The following INSYN1 variants were observed in gnomAD, a reference collection of about 807,000 sequenced individuals.
The protein encoded by INSYN1 is UPF0583 protein C15orf59.
A neutral mutation model predicts 17.1 loss-of-function variants in INSYN1; 7 were observed. The observed-to-expected ratio is 0.41, with a 90% CI of 0.23 to 0.77. The LOEUF is 0.77. INSYN1 is among the 30% of genes least tolerant of loss of function. The pLI is 0.32. For missense variants in INSYN1, 339 were observed against 400.6 expected, an observed-to-expected ratio of 0.85 and a Z score of 1.31; for synonymous variants, 174 against 166.3, an observed-to-expected ratio of 1.05 and a Z score of -0.36.
chr15:73,749,449 G>A (rs564026150), intron 2 of INSYN1, among the ~76,000 whole-genome samples: 23 of 152,322 alleles, frequency 1.5e-4, no homozygotes, highest in Admixed American at 1.0e-3. Context: ...AAGGCTGGGA[G>A]TTGTATCAGA....
Position 73,751,501 on chromosome 15 carries a change from C to A in INSYN1, c.-371G>T. 3.7e-6 allele frequency: 1 copy of A among 270,582 alleles called. No individual in the cohort carries two copies. Among genetic ancestry groups the A allele is most frequent in the South Asian group, 5.5e-5 (1 of 18,042 alleles). 16.8% of individuals were successfully genotyped at this position (270,582 alleles called of 1,614,324 possible). A position where few individuals can be genotyped will look rare whatever the true frequency, so the allele number is the denominator to read the frequency against. On this transcript the variant is annotated 5_prime_UTR_variant, in exon 2 of 3. Transcript: ENST00000569673. ...AGGCAGGGGGATGACTCTGCAGGGA[C>A]TAAGGGTAAGAGATGCCCTTGGGAT...
At chr15:73,748,009 C>T (rs935296894) in intron 2 of INSYN1, among the ~76,000 whole-genome samples, 1 of 152,078 alleles carries the variant, frequency 6.6e-6, no homozygotes, top group African/African-American at 2.4e-5. Flanking sequence ...TTTGCGAGGG[C>T]GAGGGAGGTG....
At position 73,740,310 on chromosome 15, in the gene INSYN1, C is replaced by A. The variant is rs1395520856; in HGVS notation, c.489G>T (p.Glu163Asp). ...TCACCGTGGGGCCAGCACCAAAGGC[C>A]TCCTCACTGGAGGAGTCTGGGGTCT... The part of the protein sequence containing the change: ...RVETPDSSSE[E>D]AFGAGPTVKS... Residue 163 changes from glutamate to aspartate, a missense_variant, in exon 3 of 3, where the codon GAG (glutamate) becomes GAT (aspartate). By Grantham distance (45) the Glu-to-Asp change is conservative (BLOSUM62 2). Transcript: ENST00000569673. 6.2e-7 allele frequency: 1 copy of A among 1,612,696 alleles called. No individual in the cohort carries two copies. The highest frequency in any genetic ancestry group is 1.1e-5 in the South Asian group (1 of 90,914).
At chr15:73,740,749 G>A (rs747602552) in intron 2 of INSYN1, 107 bp from the exon 3 acceptor site, 111 of 919,250 alleles carry the variant, frequency 1.2e-4, no homozygotes, top group Non-Finnish European at 1.6e-4. Flanking sequence ...GCTGATGAGC[G>A]TACTGGACAG....
Position 73,737,058 on chromosome 15 carries a change from T to G in INSYN1, c.*2859A>C, listed in dbSNP as rs1015670445. 10 of 152,342 alleles carry G rather than the reference T, an allele frequency of 6.6e-5. No individual in the cohort carries two copies. The highest frequency in any genetic ancestry group is 2.4e-4 in the African/African-American group (10 of 41,424). 9.4% of individuals were successfully genotyped at this position (152,342 alleles called of 1,614,324 possible). A position where few individuals can be genotyped will look rare whatever the true frequency, so the allele number is the denominator to read the frequency against. On this transcript the variant is annotated 3_prime_UTR_variant, in exon 3 of 3. Transcript: ENST00000569673. ...GGATATACTCCCACCACTGCCCTAT[T>G]TGGGGGCAAATGGCCAGGCAGGGGA...
chr15:73,741,762 C>T (rs1901696929), intron 2 of INSYN1, among the ~76,000 whole-genome samples: 1 of 152,210 alleles, frequency 6.6e-6, no homozygotes, highest in Non-Finnish European at 1.5e-5. Context: ...TCTCTGGCGC[C>T]CTTCAACCTG....
At chr15:73,745,453 G>A (rs1259621654) in intron 2 of INSYN1, among the ~76,000 whole-genome samples, 1 of 152,130 alleles carries the variant, frequency 6.6e-6, no homozygotes, top group Non-Finnish European at 1.5e-5. Context: ...CCCTATGAAA[G>A]GCTCTCAAAG....
chr15:73,740,708 T>C (rs1199313054), intron 2 of INSYN1, 66 bp from the exon 3 acceptor site: 17 of 1,282,234 alleles, frequency 1.3e-5, no homozygotes, highest in Non-Finnish European at 1.6e-5. Context: ...CAGGTGTGAG[T>C]GTGTCTCCAC....
rs1902014914 is a variant in INSYN1 at position 73,752,444 on chromosome 15, G to A, written c.-902C>T. ...GAGGAGACGCCGGGCAGGTCCCAGC[G>A]CGTGAGCCAAAGTCGGAGGGCTGGG... On this transcript the variant is annotated 5_prime_UTR_variant, in exon 1 of 3. Coordinates refer to ENST00000569673, the MANE Select transcript of INSYN1 (RefSeq NM_001039614.3). This position sits in a 1 kb window ranked among gnomAD's most constrained non-coding sequence, Gnocchi z 5.2. The A allele has an allele frequency of 6.6e-6, 1 of 152,240 alleles. No homozygotes were observed. The highest frequency in any genetic ancestry group is 2.4e-5 in the African/African-American group (1 of 41,410). 9.4% of individuals were successfully genotyped at this position (152,240 alleles called of 1,614,324 possible). A position where few individuals can be genotyped will look rare whatever the true frequency, so the allele number is the denominator to read the frequency against.
rs1040128403 is a variant in INSYN1, at chr15:73,738,992, C to T, written c.*925G>A. ...GCTCAGGGGCTGGGTGTGGAGACAT[C>T]GGGACGGAGTGGGGACCACTGGGCT... On this transcript the variant is annotated 3_prime_UTR_variant, in exon 3 of 3. Transcript: ENST00000569673. 59 of 152,284 alleles carry T rather than the reference C, an allele frequency of 3.9e-4. No homozygotes were observed. Among genetic ancestry groups the T allele is most frequent in the Non-Finnish European group, 6.8e-4 (46 of 68,078 alleles). The allele number at this position is 152,284 out of a possible 1,614,324, so 9.4% of individuals were successfully genotyped here.
At chr15:73,741,152 T>C (rs1449393177) in intron 2 of INSYN1, among the ~76,000 whole-genome samples, 1 of 152,216 alleles carries the variant, frequency 6.6e-6, no homozygotes, top group Admixed American at 6.5e-5. Flanking sequence ...TAAAGCATCC[T>C]GGACCAGTCC....
intron 2 of INSYN1, among the ~76,000 whole-genome samples, chr15:73,749,568 GAT>G (rs1458625835): frequency 6.6e-6 from 1 of 152,184 alleles, no homozygotes; most frequent in African/African-American, 2.4e-5. Flanking sequence ...CCATGGCCCT[GAT>G]CTAAAATAAG....
At position 73,736,411 on chromosome 15, in the gene INSYN1, T is replaced by G. The variant is rs1901528004; in HGVS notation, c.*3506A>C. On this transcript the variant is annotated 3_prime_UTR_variant, in exon 3 of 3. Transcript: ENST00000569673. ...TCAAAGATGAGGCTGGCCAACATAG[T>G]GAAACTCCATCTCTAAGAAAATACA... is the stretch of plus-strand genomic sequence containing the variant. 1 of 151,750 alleles carries G rather than the reference T, an allele frequency of 6.6e-6. No homozygotes were observed. Among genetic ancestry groups the G allele is most frequent in the African/African-American group, 2.4e-5 (1 of 41,240 alleles). The allele number at this position is 151,750 out of a possible 1,614,324, so 9.4% of individuals were successfully genotyped here.
At chr15:73,744,659 T>A (rs1901775520) in intron 2 of INSYN1, among the ~76,000 whole-genome samples, 1 of 152,112 alleles carries the variant, frequency 6.6e-6, no homozygotes, top group Non-Finnish European at 1.5e-5. Context: ...TTCCCTGAGG[T>A]TTAATAATCA....
intron 2 of INSYN1, among the ~76,000 whole-genome samples, chr15:73,741,939 C>T (rs1199410339): frequency 6.6e-6 from 1 of 152,214 alleles, no homozygotes; most frequent in Admixed American, 6.5e-5. Context: ...GCCAGAGTGG[C>T]TTGGGCCAGT....
At position 73,739,726 on chromosome 15, in the gene INSYN1, C is replaced by T. The variant is rs1901622680; in HGVS notation, c.*191G>A. ...GCAGTCCTGCCCACACCTCCTGGGA[C>T]CTAGGAGGCCAATGGGCATCTTCAT... On this transcript the variant is annotated 3_prime_UTR_variant, in exon 3 of 3. Coordinates refer to ENST00000569673, the MANE Select transcript of INSYN1 (RefSeq NM_001039614.3). 1 of 170,756 alleles carries T rather than the reference C, an allele frequency of 5.9e-6. No individual in the cohort carries two copies. The allele number at this position is 170,756 out of a possible 1,614,324, so 10.6% of individuals were successfully genotyped here.
intron 2 of INSYN1, 54 bp from the exon 3 acceptor site, chr15:73,740,696 G>A: frequency 2.8e-6 from 4 of 1,404,464 alleles, no homozygotes; most frequent in Non-Finnish European, 3.0e-6. Flanking sequence ...CCCTGCATCA[G>A]CCAGGTGTGA....
intron 2 of INSYN1, among the ~76,000 whole-genome samples, chr15:73,749,033 T>G (rs950174304): frequency 2.0e-5 from 3 of 152,192 alleles, no homozygotes; most frequent in Non-Finnish European, 2.9e-5. Flanking sequence ...CTGGGCTGCA[T>G]AGCCTGTGAA....
chr15:73,747,838 G>A (rs954998617), intron 2 of INSYN1, among the ~76,000 whole-genome samples: 4 of 152,148 alleles, frequency 2.6e-5, no homozygotes, highest in African/African-American at 9.7e-5. Flanking sequence ...GAGAGATAAG[G>A]GCTAATTAAC....
Sources: gnomAD v4.1 joint callset for allele counts (sites outside exome capture counted in the v4.1 genomes callset) on GRCh38, gnomAD v4.1.1 for gene constraint, Gnocchi (gnomAD v3.1) non-coding constraint, MANE v1.5 for transcripts, NCBI Gene and HGNC (gene_info 2026-07-23, HGNC 2026-07-21) for gene names.